Variants in CDH18 observed in about 807,000 individuals in gnomAD.
CDH18 encodes cadherin 18, also known as cadherin-18.
CDH18 carries 31 observed loss-of-function variants against 67.9 expected under a neutral mutation model. That is an observed-to-expected ratio of 0.46 (90% CI 0.34 to 0.62). CDH18 has a LOEUF of 0.62. CDH18 is among the 20% of genes least tolerant of loss of function. CDH18 has a pLI of 0.01. For missense variants in CDH18, 890 were observed against 975.5 expected, an observed-to-expected ratio of 0.91 and a Z score of 1.17; for synonymous variants, 362 against 347.2, an observed-to-expected ratio of 1.04 and a Z score of -0.48.
intron 1 of CDH18, among the ~76,000 whole-genome samples, chr5:20,555,408 CTTTTTTTTTTTTTTTTTTT>C (rs774396694): frequency 3.3e-4 from 34 of 103,654 alleles, no homozygotes; most frequent in Admixed American, 5.1e-4. Context: ...ACAAGCTTTT[CTTTTTTTTTTTTTTTTTTT>C]TTTTTTTTTT....
intron 3 of CDH18, among the ~76,000 whole-genome samples, chr5:19,819,619 C>T (rs1225643671): frequency 6.6e-6 from 1 of 152,120 alleles, no homozygotes; most frequent in African/African-American, 2.4e-5. Context: ...ACAAGAGATC[C>T]CATGAACCCC....
At chr5:20,079,717 A>T (rs1744281162) in intron 2 of CDH18, among the ~76,000 whole-genome samples, 1 of 152,160 alleles carries the variant, frequency 6.6e-6, no homozygotes, top group South Asian at 2.1e-4. Flanking sequence ...GGTCAAGAGT[A>T]CTATCTCAGT....
intron 1 of CDH18, among the ~76,000 whole-genome samples, chr5:20,390,038 G>A (rs1744702286): frequency 6.6e-6 from 1 of 152,104 alleles, no homozygotes; most frequent in South Asian, 2.1e-4. Context: ...AAAAACCCTA[G>A]AAGAAAACCT....
chr5:19,926,405 G>T (rs1041460566), intron 2 of CDH18, among the ~76,000 whole-genome samples: 1 of 152,108 alleles, frequency 6.6e-6, no homozygotes, highest in East Asian at 1.9e-4. Context: ...CAGGGCAAAG[G>T]TGTTTCTATC....
chr5:19,856,530 T>TATC (rs1784301287), intron 2 of CDH18, among the ~76,000 whole-genome samples: 1 of 152,174 alleles, frequency 6.6e-6, no homozygotes, highest in Non-Finnish European at 1.5e-5. Flanking sequence ...ATTTGTAAAG[T>TATC]ATCACTGTTA....
rs1268863619 is a variant in CDH18, at chr5:20,219,071, G to C, written c.-518+36373C>G. ...AAAAAAATCAATGAAATAAAAAGCT[G>C]TTTTTGATCAGATAAAATCTACAAA... is the stretch of plus-strand genomic sequence containing the variant. On this transcript the variant is annotated intron_variant, in intron 2 of 14. Transcript: ENST00000507958. 1.7e-4 allele frequency among the ~76,000 whole-genome samples: 26 copies of C among 151,694 alleles called. No homozygotes were observed. The Admixed American group carries it at 1.7e-3, about 10-fold the overall frequency.
chr5:20,079,134 C>T (rs79999934), intron 2 of CDH18, among the ~76,000 whole-genome samples: 5,077 of 152,108 alleles, frequency 0.033, 270 homozygotes, highest in East Asian at 0.27. Context: ...ATAGTCACCA[C>T]GCCATGCAAT....
At chr5:19,741,398 C>T (rs6878236) in intron 4 of CDH18, among the ~76,000 whole-genome samples, 145,294 of 151,298 alleles carry the variant, frequency 0.96, 70,024 homozygotes, top group Middle Eastern at 1. Flanking sequence ...GAACCAAACA[C>T]AATTCAAGTG....
chr5:19,611,284 A>C (rs750847649), intron 6 of CDH18, among the ~76,000 whole-genome samples: 1 of 151,888 alleles, frequency 6.6e-6, no homozygotes, highest in Non-Finnish European at 1.5e-5. Flanking sequence ...GTGCTGTGCA[A>C]GAGGGAAAAT....
intron 2 of CDH18, among the ~76,000 whole-genome samples, chr5:20,105,133 A>C (rs538513502): frequency 6.6e-6 from 1 of 151,944 alleles, no homozygotes; most frequent in South Asian, 2.1e-4. Context: ...GATTACAGGC[A>C]TATGGAACTA....
chr5:20,032,701 C>G (rs529286865), intron 2 of CDH18, among the ~76,000 whole-genome samples: 1 of 151,830 alleles, frequency 6.6e-6, no homozygotes, highest in Non-Finnish European at 1.5e-5. Context: ...TTAAACTTGA[C>G]GATCTAGTTT....
intron 5 of CDH18, among the ~76,000 whole-genome samples, chr5:19,650,375 A>G (rs1236268627): frequency 1.3e-5 from 2 of 152,114 alleles, no homozygotes; most frequent in African/African-American, 2.4e-5. Flanking sequence ...ACTTTTGTTA[A>G]CTAATAATTT....
intron 4 of CDH18, among the ~76,000 whole-genome samples, chr5:19,743,632 C>G (rs1769530024): frequency 6.6e-6 from 1 of 152,076 alleles, no homozygotes; most frequent in African/African-American, 2.4e-5. Flanking sequence ...TTTCTAAAAT[C>G]AGAGTTGGCC....
chr5:19,942,705 G>T (rs184298416), intron 2 of CDH18, among the ~76,000 whole-genome samples: 1 of 152,270 alleles, frequency 6.6e-6, no homozygotes, highest in Admixed American at 6.5e-5. Flanking sequence ...TCTGGAGACA[G>T]ATTAAAGAAT....
intron 2 of CDH18, among the ~76,000 whole-genome samples, chr5:20,087,563 T>G (rs939949089): frequency 2.6e-5 from 4 of 151,614 alleles, no homozygotes; most frequent in Non-Finnish European, 5.9e-5. Context: ...GCAAACACCA[T>G]CCTTATCAGT....
chr5:19,544,825 T>G (rs1347631221), intron 8 of CDH18, among the ~76,000 whole-genome samples: 2 of 152,144 alleles, frequency 1.3e-5, no homozygotes, highest in Non-Finnish European at 2.9e-5. Context: ...GTTGTCCCAA[T>G]TAAGGTTCCC....
chr5:19,834,249 C>T (rs527761072), intron 3 of CDH18, among the ~76,000 whole-genome samples: 56 of 150,982 alleles, frequency 3.7e-4, no homozygotes, highest in African/African-American at 1.3e-3. Context: ...CTGGCTTAGT[C>T]GTAGTAGGGT....
intron 2 of CDH18, among the ~76,000 whole-genome samples, chr5:20,029,781 T>A (rs1739226094): frequency 6.6e-6 from 1 of 152,174 alleles, no homozygotes; most frequent in Non-Finnish European, 1.5e-5. Context: ...GTGTAACACA[T>A]TACCACAAAC....
At chr5:20,003,461 C>T (rs1037802389) in intron 2 of CDH18, among the ~76,000 whole-genome samples, 1 of 151,982 alleles carries the variant, frequency 6.6e-6, no homozygotes, top group African/African-American at 2.4e-5. Flanking sequence ...AATGTCTCTT[C>T]CTAGTAATTG....
Sources: allele counts gnomAD v4.1 joint callset (sites outside exome capture counted in the v4.1 genomes callset), GRCh38; gene constraint gnomAD v4.1.1; transcripts MANE v1.5; gene names NCBI Gene and HGNC (gene_info 2026-07-23, HGNC 2026-07-21).